The following SCAF8 variants were observed in gnomAD, a reference collection of about 807,000 sequenced individuals.
SCAF8 encodes the protein SR-related and CTD-associated factor 8.
Under a neutral mutation model 140.5 loss-of-function variants are expected in SCAF8, and 23 were observed. That is an observed-to-expected ratio of 0.16 (90% CI 0.12 to 0.23). The LOEUF (loss-of-function observed/expected upper bound fraction) is 0.23, where lower values mean the gene tolerates loss of function less well. Among genes scored for constraint, SCAF8 ranks in the 10% least tolerant of loss-of-function variants. The probability of loss-of-function intolerance (pLI) is 1.00; values close to 1 mark genes in which losing one functional copy is unlikely to be tolerated. For synonymous variants in SCAF8, 575 were observed against 528.9 expected (o/e 1.09, Z -1.20); for missense variants, 1,397 against 1,555.7 (o/e 0.90, Z 1.72).
At position 154,733,784 on chromosome 6, in the gene SCAF8, T is replaced by C; in HGVS notation, c.-117T>C. On this transcript the variant is annotated 5_prime_UTR_variant, in exon 1 of 20. Coordinates refer to ENST00000367178, the MANE Select transcript of SCAF8 (RefSeq NM_014892.5). ...CCGCCCCGAGGTCGCAGCGGCCCGCTCTCCCGCCAGCGCCCCCTCCTCGCG... is the reference window on the plus strand; with the variant it reads ...CCGCCCCGAGGTCGCAGCGGCCCGCCCTCCCGCCAGCGCCCCCTCCTCGCG... The C allele has an allele frequency of 4.3e-6, 6 of 1,383,454 alleles. 1 individual carries two copies. In the South Asian group the frequency reaches 6.8e-5, roughly 16 times the overall value. The allele number at this position is 1,383,454 out of a possible 1,614,324, so 85.7% of individuals were successfully genotyped here.
chr6:154,765,758 T>C (rs1229174733), intron 1 of SCAF8, among the ~76,000 whole-genome samples: 1 of 152,212 alleles, frequency 6.6e-6, no homozygotes, highest in Non-Finnish European at 1.5e-5. Context: ...TCAACCTTCT[T>C]TAAAGTTGAG....
intron 13 of SCAF8, 62 bp downstream of exon 13, chr6:154,815,878 A>G (rs1778233560): frequency 2.1e-6 from 2 of 939,984 alleles, no homozygotes; most frequent in Non-Finnish European, 1.7e-6. Flanking sequence ...AATACAAAGA[A>G]TCACTTCTGT....
chr6:154,831,359 C>T (rs1197339989), intron 19 of SCAF8, among the ~76,000 whole-genome samples: 1 of 152,052 alleles, frequency 6.6e-6, no homozygotes, highest in Non-Finnish European at 1.5e-5. Context: ...AAGACCCTCA[C>T]ACCACCACCC....
chr6:154,763,954 C>G (rs1776485494), intron 1 of SCAF8, among the ~76,000 whole-genome samples: 1 of 152,106 alleles, frequency 6.6e-6, no homozygotes, highest in Non-Finnish European at 1.5e-5. Flanking sequence ...CTATCTGGCC[C>G]TTTGAGGAAA....
chr6:154,774,489 A>G (rs1270922843), intron 2 of SCAF8, among the ~76,000 whole-genome samples: 6 of 152,224 alleles, frequency 3.9e-5, no homozygotes, highest in Admixed American at 1.3e-4. Context: ...TTTTGCATAT[A>G]TCCACATTAT....
chr6:154,798,443 G>GTTAA (rs1435062080), intron 6 of SCAF8, among the ~76,000 whole-genome samples: 6 of 151,434 alleles, frequency 4.0e-5, no homozygotes, highest in Non-Finnish European at 8.9e-5. Flanking sequence ...CTTCATCTCA[G>GTTAA]TTAATGGAAA....
At chr6:154,831,257 T>C (rs1239467042) in intron 19 of SCAF8, 117 bp downstream of exon 19, 1 of 626,634 alleles carries the variant, frequency 1.6e-6, no homozygotes, top group Non-Finnish European at 2.7e-6. Flanking sequence ...ATGTCGCACT[T>C]TTTTTTTAAA....
chr6:154,807,139 A>G (rs1255606996), intron 9 of SCAF8, among the ~76,000 whole-genome samples: 1 of 152,214 alleles, frequency 6.6e-6, no homozygotes. Flanking sequence ...TCTTAGCAGA[A>G]TCAAGTAGTC....
chr6:154,822,252 A>G (rs375823129), intron 15 of SCAF8, 24 bp from the exon 16 acceptor site: 11 of 1,588,156 alleles, frequency 6.9e-6, no homozygotes, highest in Non-Finnish European at 8.5e-6. Flanking sequence ...TCCAAAGGAA[A>G]TCAATTTCAA....
Position 154,802,061 on chromosome 6 carries a change from T to C in SCAF8, c.697T>C (p.Leu233=). The C allele has an allele frequency of 6.2e-7, 1 of 1,613,686 alleles. No homozygotes were observed. The change falls in exon 7 of 20, where the codon TTG becomes CTG. Residue 233 remains leucine, a synonymous_variant. Coordinates refer to ENST00000367178, the MANE Select transcript of SCAF8 (RefSeq NM_014892.5). The stretch of plus-strand genomic sequence containing the variant: ...CCTAGATGCTGGTCTTGTTGTTCAG[T>C]TGCAAGCTCTTACGGCACAACTTAC... ...QALDAGLVVQ[L]QALTAQLTAA... is the part of the protein sequence containing the mutation.
At chr6:154,784,489 A>T (rs946015097) in intron 3 of SCAF8, among the ~76,000 whole-genome samples, 5 of 152,184 alleles carry the variant, frequency 3.3e-5, no homozygotes, top group African/African-American at 1.2e-4. Context: ...ATATAATTAC[A>T]GTCACTCTTC....
Position 154,824,279 on chromosome 6 carries a change from G to T in SCAF8, c.1972G>T (p.Ala658Ser), listed in dbSNP as rs1440228419. The change falls in exon 17 of 20, where the codon GCA (alanine) becomes TCA (serine). Residue 658 changes from alanine (A) to serine (S), a missense_variant. Ala to Ser is a moderately conservative substitution (Grantham distance 99). Transcript: ENST00000367178. ...GCCTACAGTTAGTTTAGTCCCACCA[G>T]CATTTCCTGTGTCGATGCCGGTTCC... ...AVPTVSLVPP[A>S]FPVSMPVPPP... 1.2e-6 allele frequency: 2 copies of T among 1,614,086 alleles called. No homozygotes were observed. Among genetic ancestry groups the T allele is most frequent in the Non-Finnish European group, 1.7e-6 (2 of 1,179,936 alleles).
chr6:154,799,818 C>G (rs958293740), intron 6 of SCAF8, among the ~76,000 whole-genome samples: 15 of 151,202 alleles, frequency 9.9e-5, no homozygotes, highest in African/African-American at 3.6e-4. Context: ...GGGTCTTGCT[C>G]TGTCACCCAG....
At chr6:154,772,704 C>G (rs1776805415) in intron 1 of SCAF8, among the ~76,000 whole-genome samples, 1 of 152,056 alleles carries the variant, frequency 6.6e-6, no homozygotes, top group African/African-American at 2.4e-5. Flanking sequence ...ATCAATCAAT[C>G]AATCAATAAA....
chr6:154,778,812 G>GATAA (rs1392633507), intron 3 of SCAF8, among the ~76,000 whole-genome samples: 2 of 117,218 alleles, frequency 1.7e-5, no homozygotes, highest in African/African-American at 6.5e-5. Context: ...TGTGTGTGTA[G>GATAA]ATAAAACATA....
chr6:154,781,277 A>G (rs1188464651), intron 3 of SCAF8, among the ~76,000 whole-genome samples: 2 of 152,190 alleles, frequency 1.3e-5, no homozygotes, highest in African/African-American at 4.8e-5. Flanking sequence ...GAATATAGCT[A>G]ACAAGGAGTG....
intron 4 of SCAF8, among the ~76,000 whole-genome samples, chr6:154,790,133 A>G (rs1777371189): frequency 1.3e-5 from 2 of 152,152 alleles, no homozygotes; most frequent in Admixed American, 6.5e-5. Flanking sequence ...TGTAATCTCA[A>G]TCATAAATGA....
At chr6:154,759,624 A>G (rs1779048754) in intron 1 of SCAF8, among the ~76,000 whole-genome samples, 1 of 151,814 alleles carries the variant, frequency 6.6e-6, no homozygotes, top group Non-Finnish European at 1.5e-5. Context: ...ATTCATACTA[A>G]TATGACATCT....
intron 6 of SCAF8, among the ~76,000 whole-genome samples, chr6:154,801,744 TTTA>T (rs1419227238): frequency 6.6e-6 from 1 of 151,492 alleles, no homozygotes; most frequent in Non-Finnish European, 1.5e-5. Context: ...CACAGATCAC[TTTA>T]TTTTGTTTAA....
Sources: gnomAD v4.1 joint callset for allele counts (sites outside exome capture counted in the v4.1 genomes callset) on GRCh38, gnomAD v4.1.1 for gene constraint, MANE v1.5 for transcripts, NCBI Gene and HGNC (gene_info 2026-07-23, HGNC 2026-07-21) for gene names.